CUL5: variants seen among roughly 807,000 people sequenced by gnomAD.
The protein encoded by CUL5 is cullin-5.
In CUL5, 26 loss-of-function variants were observed where a neutral mutation model predicts 108.8. The ratio of observed to expected loss-of-function variants is 0.24; its 90% CI spans 0.18 to 0.33. The LOEUF is 0.33. Ranked by LOEUF, CUL5 falls within the 10% of genes least tolerant of loss-of-function variation. The pLI, the probability that CUL5 is intolerant of heterozygous loss-of-function variation, is 1.00. For synonymous variants in CUL5, 334 were observed against 298.0 expected, an observed-to-expected ratio of 1.12 and a Z score of -1.25; for missense variants, 524 against 909.2, an observed-to-expected ratio of 0.58 and a Z score of 5.45.
intron 13 of CUL5, among the ~76,000 whole-genome samples, chr11:108,091,056 T>A (rs1001623105): frequency 6.6e-6 from 1 of 152,080 alleles, no homozygotes; most frequent in Non-Finnish European, 1.5e-5. Flanking sequence ...TTCTTTCTTT[T>A]TTTCTTTTTT....
chr11:108,065,873 A>G (rs749202578), intron 7 of CUL5, among the ~76,000 whole-genome samples: 5 of 151,966 alleles, frequency 3.3e-5, no homozygotes, highest in Non-Finnish European at 5.9e-5. Flanking sequence ...CTATTTGGCC[A>G]TCTTGCTCCA....
chr11:108,038,933 A>G (rs1028483183), intron 2 of CUL5, among the ~76,000 whole-genome samples: 4 of 151,304 alleles, frequency 2.6e-5, no homozygotes, highest in East Asian at 3.9e-4. Context: ...TTCTTTCTCT[A>G]TTGAAGTACT....
At chr11:108,098,589 TTTA>T in intron 18 of CUL5, 60 bp downstream of exon 18, 7 of 1,354,922 alleles carry the variant, frequency 5.2e-6, no homozygotes, top group Non-Finnish European at 6.8e-6. Flanking sequence ...TTTTTTTTTT[TTTA>T]AATTTTGAAA....
At chr11:108,094,539 A>T (rs776791251) in intron 14 of CUL5, 25 bp downstream of exon 14, 1 of 1,175,024 alleles carries the variant, frequency 8.5e-7, no homozygotes, top group South Asian at 1.6e-5. Flanking sequence ...TTACATGTAT[A>T]TATTTTTTAA....
intron 1 of CUL5, among the ~76,000 whole-genome samples, chr11:108,022,240 G>A (rs907908220): frequency 2.6e-5 from 4 of 152,036 alleles, no homozygotes; most frequent in Admixed American, 2.0e-4. Context: ...GGGTGTTTTC[G>A]GGGCGAACCA....
At chr11:108,018,909 A>G (rs550490286) in intron 1 of CUL5, among the ~76,000 whole-genome samples, 1 of 152,234 alleles carries the variant, frequency 6.6e-6, no homozygotes, top group African/African-American at 2.4e-5. Context: ...GTATTGGGCA[A>G]GTTACTTAAC....
At chr11:108,052,487 CAT>C (rs1415725925) in intron 4 of CUL5, among the ~76,000 whole-genome samples, 171 bp from the exon 5 acceptor site, 1 of 152,160 alleles carries the variant, frequency 6.6e-6, no homozygotes, top group Non-Finnish European at 1.5e-5. Flanking sequence ...GTCTTGAACT[CAT>C]AGACTCCAGC....
chr11:108,070,813 A>G (rs917746548), intron 8 of CUL5, among the ~76,000 whole-genome samples: 1 of 152,172 alleles, frequency 6.6e-6, no homozygotes, highest in Non-Finnish European at 1.5e-5. Flanking sequence ...TCTAACTGCA[A>G]GGTCCTGTTT....
At chr11:108,019,277 C>G (rs1862274613) in intron 1 of CUL5, among the ~76,000 whole-genome samples, 3 of 152,014 alleles carry the variant, frequency 2.0e-5, no homozygotes, top group Admixed American at 2.0e-4. Context: ...TAGTTTGATT[C>G]TTTTGGTTAG....
chr11:108,080,320 C>T (rs1261766002), intron 11 of CUL5, among the ~76,000 whole-genome samples: 1 of 152,036 alleles, frequency 6.6e-6, no homozygotes, highest in East Asian at 1.9e-4. Context: ...AACTCCTGGC[C>T]TCAAGAGATG....
At chr11:108,070,559 TAATAA>T (rs2135180676) in intron 8 of CUL5, among the ~76,000 whole-genome samples, 1 of 152,272 alleles carries the variant, frequency 6.6e-6, no homozygotes, top group Non-Finnish European at 1.5e-5. Flanking sequence ...TTTTAGAATG[TAATAA>T]AACACTCCCT....
chr11:108,044,142 T>G (rs17107685), intron 2 of CUL5, among the ~76,000 whole-genome samples: 15,909 of 152,194 alleles, frequency 0.1, 1,248 homozygotes, highest in East Asian at 0.34. Context: ...CAGATACCAT[T>G]ATCAAGCTGA....
In CUL5 at chr11:108,088,459, G is replaced by A. The variant is rs1037748339; in HGVS notation, c.1179-68G>A. ...ATGAGAAATTCGCTTGTGAATCATTGACTTTAGAAAAAAATAATTGCAAAC... is the reference window on the plus strand; with the variant it reads ...ATGAGAAATTCGCTTGTGAATCATTAACTTTAGAAAAAAATAATTGCAAAC... On this transcript the variant is annotated intron_variant, in intron 11 of 18. Transcript: ENST00000393094. 1.5e-5 allele frequency: 22 copies of A among 1,473,094 alleles called. No individual in the cohort carries two copies. The African/African-American group carries it at 2.7e-4, about 18-fold the overall frequency. 91.3% of individuals were successfully genotyped at this position (1,473,094 alleles called of 1,614,324 possible). A position where few individuals can be genotyped will look rare whatever the true frequency, so the allele number is the denominator to read the frequency against.
chr11:108,043,858 A>G (rs1398473093), intron 2 of CUL5, among the ~76,000 whole-genome samples: 1 of 152,174 alleles, frequency 6.6e-6, no homozygotes, highest in Non-Finnish European at 1.5e-5. Flanking sequence ...GCAAAACTCC[A>G]TTTCTACTGA....
intron 7 of CUL5, among the ~76,000 whole-genome samples, chr11:108,056,470 T>C (rs906757537): frequency 2.0e-5 from 3 of 152,244 alleles, no homozygotes; most frequent in African/African-American, 7.2e-5. Context: ...AGTTTTTGTT[T>C]TGCTTGTCCT....
At chr11:108,024,756 A>G (rs756312290) in intron 1 of CUL5, among the ~76,000 whole-genome samples, 1 of 152,222 alleles carries the variant, frequency 6.6e-6, no homozygotes. Context: ...ATAATCCCCA[A>G]TTAGTGAAAT....
In CUL5 at chr11:108,082,799, A is replaced by AT. The variant is rs34057559; in HGVS notation, c.1178+4570dup. On this transcript the variant is annotated intron_variant, in intron 11 of 18. Transcript: ENST00000393094. ...AGGGCCATACCACCATGCCCGGCTAATTTTTTTTTTTGAGACAGGGTCTTG... is the reference window on the plus strand; with the variant it reads ...AGGGCCATACCACCATGCCCGGCTAATTTTTTTTTTTTGAGACAGGGTCTTG... 2.9e-3 allele frequency among the ~76,000 whole-genome samples: 430 copies of AT among 146,990 alleles called. 3 individuals are homozygous for AT. The highest frequency in any genetic ancestry group is 0.011 in the Middle Eastern group (3 of 282).
chr11:108,080,448 T>G (rs2135204980), intron 11 of CUL5, among the ~76,000 whole-genome samples: 1 of 152,046 alleles, frequency 6.6e-6, no homozygotes, highest in South Asian at 2.1e-4. Flanking sequence ...CAGGCTGGAG[T>G]GCAGTGGTCT....
intron 11 of CUL5, among the ~76,000 whole-genome samples, chr11:108,082,635 C>T (rs561390923): frequency 6.6e-6 from 1 of 151,600 alleles, no homozygotes; most frequent in Non-Finnish European, 1.5e-5. Flanking sequence ...AAAAACACAA[C>T]TGATTTTTTT....
Sources: gnomAD v4.1 joint callset for allele counts (sites outside exome capture counted in the v4.1 genomes callset) on GRCh38, gnomAD v4.1.1 for gene constraint, MANE v1.5 for transcripts, NCBI Gene and HGNC (gene_info 2026-07-23, HGNC 2026-07-21) for gene names.